Variants in CACNA1D observed in about 807,000 individuals in gnomAD.
CACNA1D encodes voltage-dependent L-type calcium channel subunit alpha-1D.
CACNA1D carries 55 observed loss-of-function variants against 257.1 expected under a neutral mutation model. That is an observed-to-expected ratio of 0.21 (90% CI 0.17 to 0.27). The LOEUF (loss-of-function observed/expected upper bound fraction) is 0.27. Among genes scored for constraint, CACNA1D ranks in the 10% least tolerant of loss-of-function variants. The pLI, the probability that CACNA1D is intolerant of heterozygous loss-of-function variation, is 1.00. For missense variants in CACNA1D, 1,876 were observed against 2,784.0 expected (o/e 0.67, Z 7.34); for synonymous variants, 980 against 1,014.9 (o/e 0.97, Z 0.65).
chr3:53,714,352 C>T (rs1161520188), intron 9 of CACNA1D, among the ~76,000 whole-genome samples: 1 of 152,182 alleles, frequency 6.6e-6, no homozygotes, highest in Non-Finnish European at 1.5e-5. Flanking sequence ...AGGCCATCAC[C>T]TAAATGGGGC....
chr3:53,695,587 T>A (rs890171123), intron 8 of CACNA1D, among the ~76,000 whole-genome samples: 1 of 152,116 alleles, frequency 6.6e-6, no homozygotes, highest in African/African-American at 2.4e-5. Flanking sequence ...CCCAGGGGAC[T>A]GGTGTGGAAA....
At chr3:53,563,708 G>T (rs2092782666) in intron 3 of CACNA1D, among the ~76,000 whole-genome samples, 1 of 152,054 alleles carries the variant, frequency 6.6e-6, no homozygotes, top group African/African-American at 2.4e-5. Flanking sequence ...ATACTTCTTA[G>T]ATTTATCGGT....
chr3:53,758,415 A>T (rs891343722), intron 29 of CACNA1D, among the ~76,000 whole-genome samples: 1 of 152,170 alleles, frequency 6.6e-6, no homozygotes, highest in Non-Finnish European at 1.5e-5. Context: ...AACTTGGGTC[A>T]CTTTTCTTGT....
At chr3:53,698,839 T>C (rs1291374291) in intron 8 of CACNA1D, among the ~76,000 whole-genome samples, 1 of 151,742 alleles carries the variant, frequency 6.6e-6, no homozygotes, top group African/African-American at 2.4e-5. Flanking sequence ...GCACTTCTTA[T>C]TTATCTTTTG....
At position 53,673,252 on chromosome 3, in the gene CACNA1D, T is replaced by G. The variant is rs2094343133; in HGVS notation, c.1220+126T>G. 1 of 651,768 alleles carries G rather than the reference T, an allele frequency of 1.5e-6. No homozygotes were observed. Among genetic ancestry groups the G allele is most frequent in the South Asian group, 1.9e-5 (1 of 52,238 alleles). The allele number at this position is 651,768 out of a possible 1,614,324, so 40.4% of individuals were successfully genotyped here. A position where few individuals can be genotyped will look rare whatever the true frequency, so the allele number is the denominator to read the frequency against. ...CATTTTATGTGTCCTCTGAGATGCTTTCTTTTCTGCTGAGGCTTCCCAAAT... is the reference window on the plus strand; with the variant it reads ...CATTTTATGTGTCCTCTGAGATGCTGTCTTTTCTGCTGAGGCTTCCCAAAT... On this transcript the variant is annotated intron_variant, in intron 8 of 47. Transcript: ENST00000350061. This position sits in a 1 kb window ranked among gnomAD's most constrained non-coding sequence, Gnocchi z 4.1.
At chr3:53,647,118 G>A (rs1230887368) in intron 3 of CACNA1D, among the ~76,000 whole-genome samples, 3 of 152,130 alleles carry the variant, frequency 2.0e-5, no homozygotes, top group Admixed American at 6.5e-5. Context: ...TCTCGTGGGC[G>A]GGGTAGGGGG....
intron 3 of CACNA1D, among the ~76,000 whole-genome samples, chr3:53,623,364 A>G (rs1262998452): frequency 6.6e-6 from 1 of 152,246 alleles, no homozygotes; most frequent in African/African-American, 2.4e-5. Flanking sequence ...AGAGGTCTGC[A>G]CCTTCTTTTG....
chr3:53,611,822 T>A (rs2093586173), intron 3 of CACNA1D, among the ~76,000 whole-genome samples: 1 of 152,236 alleles, frequency 6.6e-6, no homozygotes, highest in Non-Finnish European at 1.5e-5. Flanking sequence ...AAATATTTTA[T>A]GCTTTGTGGA....
chr3:53,721,865 T>C (rs1037233861), intron 11 of CACNA1D, among the ~76,000 whole-genome samples: 2 of 152,196 alleles, frequency 1.3e-5, no homozygotes, highest in Non-Finnish European at 2.9e-5. Flanking sequence ...TGTATGGTGA[T>C]TGAGATGCTG....
chr3:53,542,733 A>G lies in CACNA1D; in HGVS notation c.483+41013A>G, dbSNP rs373575713. On this transcript the variant is annotated intron_variant, in intron 3 of 47. Coordinates refer to ENST00000350061, the MANE Select transcript of CACNA1D (RefSeq NM_001128840.3). ...TTTGTGATTCCCTTCTCCACTAAAT[A>G]CAAATCAGTGCTACTCAGGGGCTCT... Among the ~76,000 whole-genome samples the G allele has an allele frequency of 7.7e-4, 118 of 152,298 alleles. 3 individuals are homozygous for G. In the South Asian group the frequency reaches 0.023, roughly 29 times the overall value.
chr3:53,658,032 G>A (rs930868737), intron 4 of CACNA1D, among the ~76,000 whole-genome samples: 2 of 152,148 alleles, frequency 1.3e-5, no homozygotes, highest in East Asian at 1.9e-4. Context: ...TTTGAAGAAC[G>A]TGAAGGCTTG....
intron 18 of CACNA1D, among the ~76,000 whole-genome samples, 195 bp from the exon 19 acceptor site, chr3:53,732,620 G>A (rs1000448347): frequency 5.3e-5 from 8 of 152,192 alleles, no homozygotes; most frequent in Admixed American, 3.9e-4. Context: ...CTCACCAGAC[G>A]GGGACACTTC....
chr3:53,649,492 C>T (rs1448761564), intron 3 of CACNA1D, among the ~76,000 whole-genome samples: 2 of 152,042 alleles, frequency 1.3e-5, no homozygotes, highest in Non-Finnish European at 2.9e-5. Flanking sequence ...TTGAGAAATT[C>T]TCTGTGTGTA....
chr3:53,697,842 G>A (rs1054311891), intron 8 of CACNA1D, among the ~76,000 whole-genome samples: 1 of 152,126 alleles, frequency 6.6e-6, no homozygotes, highest in African/African-American at 2.4e-5. Flanking sequence ...TCCATAATGT[G>A]TTTTGGTTTG....
At chr3:53,772,348 A>C (rs1486387217) in intron 32 of CACNA1D, among the ~76,000 whole-genome samples, 4 of 152,232 alleles carry the variant, frequency 2.6e-5, no homozygotes, top group Non-Finnish European at 5.9e-5. Context: ...CTTCACCTTA[A>C]GGAAATACTT....
intron 30 of CACNA1D, among the ~76,000 whole-genome samples, chr3:53,768,199 A>G (rs982504482): frequency 6.6e-6 from 1 of 152,240 alleles, no homozygotes; most frequent in East Asian, 1.9e-4. Flanking sequence ...GTCTTAGGCC[A>G]GACTGTGGCC....
At chr3:53,585,636 G>T (rs1420781194) in intron 3 of CACNA1D, among the ~76,000 whole-genome samples, 1 of 151,856 alleles carries the variant, frequency 6.6e-6, no homozygotes, top group Non-Finnish European at 1.5e-5. Context: ...CTTGTCTGGG[G>T]CGGCCCTGTT....
chr3:53,638,068 A>G (rs181276752), intron 3 of CACNA1D, among the ~76,000 whole-genome samples: 4 of 152,312 alleles, frequency 2.6e-5, no homozygotes, highest in East Asian at 1.9e-4. Context: ...GTGTCCATAC[A>G]TTGGAGACGT....
intron 3 of CACNA1D, among the ~76,000 whole-genome samples, chr3:53,624,905 C>T (rs759227453): frequency 5.9e-5 from 9 of 152,026 alleles, no homozygotes; most frequent in Admixed American, 2.0e-4. Flanking sequence ...CCAGTGACAG[C>T]GAACATTGCA....
Sources: allele counts gnomAD v4.1 joint callset (sites outside exome capture counted in the v4.1 genomes callset), GRCh38; gene constraint gnomAD v4.1.1; non-coding constraint Gnocchi (gnomAD v3.1); transcripts MANE v1.5; gene names NCBI Gene and HGNC (gene_info 2026-07-23, HGNC 2026-07-21).